PTPRJ: variants seen among roughly 807,000 people sequenced by gnomAD.
PTPRJ encodes the protein receptor-type tyrosine-protein phosphatase eta.
In PTPRJ, 129 loss-of-function variants were observed where a neutral mutation model predicts 141.3. The ratio of observed to expected loss-of-function variants is 0.91; its 90% CI spans 0.79 to 1.06. PTPRJ has a LOEUF of 1.06. Among genes scored for constraint, PTPRJ ranks in the 50% least tolerant of loss-of-function variants. The pLI, the probability that PTPRJ is intolerant of heterozygous loss-of-function variation, is 0.00. For synonymous variants in PTPRJ, 610 were observed against 640.5 expected (o/e 0.95, Z 0.72); for missense variants, 1,601 against 1,679.7 (o/e 0.95, Z 0.82).
intron 8 of PTPRJ, among the ~76,000 whole-genome samples, chr11:48,135,651 T>C (rs960126861): frequency 3.9e-5 from 6 of 152,006 alleles, no homozygotes; most frequent in African/African-American, 1.5e-4. Flanking sequence ...CCAACTAATT[T>C]TTGTATTTTT....
At position 48,168,942 on chromosome 11, in the gene PTPRJ, C is replaced by T. The variant is rs1479996659; in HGVS notation, c.*1580C>T. ...AGGTTTTATGAAGGAATAACCAAGTCCCTGGAGTCCTGTGGCTGTTGCCAC... is the reference window on the plus strand; with the variant it reads ...AGGTTTTATGAAGGAATAACCAAGTTCCTGGAGTCCTGTGGCTGTTGCCAC... On this transcript the variant is annotated 3_prime_UTR_variant, in exon 25 of 25. Transcript: ENST00000418331. The T allele has an allele frequency of 5.3e-5, 8 of 152,042 alleles. No homozygotes were observed. Among genetic ancestry groups the T allele is most frequent in the African/African-American group, 1.9e-4 (8 of 41,396 alleles). The allele number at this position is 152,042 out of a possible 1,614,324, so 9.4% of individuals were successfully genotyped here.
At chr11:48,039,464 G>GGTGTGT (rs67338648) in intron 1 of PTPRJ, among the ~76,000 whole-genome samples, 47 of 146,430 alleles carry the variant, frequency 3.2e-4, no homozygotes, top group African/African-American at 9.2e-4. Flanking sequence ...ACAACACTAT[G>GGTGTGT]GTGTGTGTGT....
intron 1 of PTPRJ, among the ~76,000 whole-genome samples, chr11:48,009,318 G>T (rs1231335036): frequency 6.6e-6 from 1 of 152,140 alleles, no homozygotes; most frequent in African/African-American, 2.4e-5. Context: ...CAAACAGGCT[G>T]GGCGCAGTGG....
intron 1 of PTPRJ, among the ~76,000 whole-genome samples, chr11:47,983,321 A>G (rs1853962017): frequency 6.6e-6 from 1 of 152,208 alleles, no homozygotes; most frequent in Non-Finnish European, 1.5e-5. Flanking sequence ...AAGTTTGTTT[A>G]GGAAACAAGT....
chr11:48,069,520 G>C (rs1477360867), intron 1 of PTPRJ, among the ~76,000 whole-genome samples: 1 of 146,810 alleles, frequency 6.8e-6, no homozygotes, highest in East Asian at 2.0e-4. Context: ...CGCAATCTTG[G>C]CTCACTGCAA....
At position 48,136,882 on chromosome 11, in the gene PTPRJ, C is replaced by G. The variant is rs554606787; in HGVS notation, c.1874-121C>G. 58 of 1,000,964 alleles carry G rather than the reference C, an allele frequency of 5.8e-5. No homozygotes were observed. In the African/African-American group the frequency reaches 8.5e-4, roughly 15 times the overall value. The allele number at this position is 1,000,964 out of a possible 1,614,324, so 62.0% of individuals were successfully genotyped here. A position where few individuals can be genotyped will look rare whatever the true frequency, so the allele number is the denominator to read the frequency against. On this transcript the variant is annotated intron_variant, in intron 9 of 24. Coordinates refer to ENST00000418331, the MANE Select transcript of PTPRJ (RefSeq NM_002843.4). ...GGAAGTTTTCCATCTTTTGAGCCAG[C>G]AAATACTAGTTTTATTCATTCTTTC...
Position 48,168,532 on chromosome 11 carries a change from GTGTATATATATATA to G in PTPRJ, c.*1172_*1185del, listed in dbSNP as rs1438846162. 8.4e-3 allele frequency: 370 copies of G among 43,912 alleles called. 17 individuals carry two copies. Among genetic ancestry groups the G allele is most frequent in the South Asian group, 0.014 (19 of 1,318 alleles). The allele number at this position is 43,912 out of a possible 1,614,324, so 2.7% of individuals were successfully genotyped here. ...GCCGTGACACATATCGGAATCTACTGTGTATATATATATATATATATATATATATATATATATAT... is the reference window on the plus strand; with the variant it reads ...GCCGTGACACATATCGGAATCTACTGTATATATATATATATATATATATAT... On this transcript the variant is annotated 3_prime_UTR_variant, in exon 25 of 25. Coordinates refer to ENST00000418331, the MANE Select transcript of PTPRJ (RefSeq NM_002843.4).
chr11:48,081,496 C>T (rs961206445), intron 1 of PTPRJ, among the ~76,000 whole-genome samples: 6 of 152,092 alleles, frequency 3.9e-5, no homozygotes, highest in Admixed American at 2.0e-4. Flanking sequence ...TTTGGGTGGC[C>T]GCCGAGGACC....
At chr11:48,010,835 CTAT>C (rs377559025) in intron 1 of PTPRJ, among the ~76,000 whole-genome samples, 14 of 151,424 alleles carry the variant, frequency 9.2e-5, no homozygotes, top group South Asian at 4.2e-4. Context: ...CATGCCTGGC[CTAT>C]TATTATTATT....
chr11:48,136,013 C>T (rs754420477), intron 8 of PTPRJ, 26 bp from the exon 9 acceptor site: 2 of 1,602,946 alleles, frequency 1.2e-6, no homozygotes, highest in African/African-American at 1.3e-5. Flanking sequence ...AACAGTTTTC[C>T]CTTCTCCTTC....
chr11:48,008,844 C>T (rs558666095), intron 1 of PTPRJ, among the ~76,000 whole-genome samples: 38 of 152,240 alleles, frequency 2.5e-4, no homozygotes, highest in Admixed American at 1.6e-3. Context: ...GGATTACAGT[C>T]GTGAGCCACC....
intron 1 of PTPRJ, among the ~76,000 whole-genome samples, chr11:48,058,756 A>G (rs1854830098): frequency 6.6e-6 from 1 of 152,082 alleles, no homozygotes; most frequent in African/African-American, 2.4e-5. Flanking sequence ...ATCTTTTTTA[A>G]AAACTGAAGT....
chr11:48,149,385 CA>C, intron 15 of PTPRJ, 61 bp from the exon 16 acceptor site: 1 of 1,141,470 alleles, frequency 8.8e-7, no homozygotes, highest in Non-Finnish European at 1.3e-6. Context: ...TCCAGATACA[CA>C]AGGGAAAAGC....
intron 11 of PTPRJ, 65 bp from the exon 12 acceptor site, chr11:48,142,854 T>C (rs1444510628): frequency 4.6e-6 from 7 of 1,530,064 alleles, no homozygotes; most frequent in Non-Finnish European, 6.2e-6. Context: ...AAGCATGTTC[T>C]CTACCTAATG....
intron 19 of PTPRJ, 57 bp from the exon 20 acceptor site, chr11:48,155,744 C>T: frequency 7.1e-7 from 1 of 1,411,472 alleles, no homozygotes; most frequent in Non-Finnish European, 9.8e-7. Flanking sequence ...TGTTTTGTGT[C>T]CAACTTTACT....
At chr11:48,102,824 C>A (rs2134315090) in intron 1 of PTPRJ, among the ~76,000 whole-genome samples, 1 of 152,142 alleles carries the variant, frequency 6.6e-6, no homozygotes, top group East Asian at 1.9e-4. Flanking sequence ...TTAGGACCCC[C>A]AGATTTATCA....
chr11:48,031,722 T>G (rs919677190), intron 1 of PTPRJ, among the ~76,000 whole-genome samples: 18 of 152,198 alleles, frequency 1.2e-4, no homozygotes, highest in African/African-American at 4.3e-4. Context: ...TAGTCTTTCT[T>G]GTGGTCTCCT....
chr11:48,043,023 T>A (rs543617927), intron 1 of PTPRJ, among the ~76,000 whole-genome samples: 1 of 152,268 alleles, frequency 6.6e-6, no homozygotes, highest in Non-Finnish European at 1.5e-5. Flanking sequence ...AAGTATAGAA[T>A]TGTAGCTGGT....
In PTPRJ at chr11:48,125,076, C is replaced by G. The variant is rs959061975; in HGVS notation, c.983C>G (p.Thr328Arg). The change falls in exon 6 of 25, where the codon ACG becomes AGG. Residue 328 changes from threonine (T) to arginine (R), a missense_variant. Transcript: ENST00000418331. Reference protein sequence around the residue: ...DPSSGQQSRDTEVLLVGLEPG... With the variant: ...DPSSGQQSRDREVLLVGLEPG... ...TCCTCCGGCCAGCAGTCCCGAGACACGGAAGTCCTGCTTGTCGGGTTAGAG... is the reference window on the plus strand; with the variant it reads ...TCCTCCGGCCAGCAGTCCCGAGACAGGGAAGTCCTGCTTGTCGGGTTAGAG... 6.2e-7 allele frequency: 1 copy of G among 1,614,102 alleles called. No individual in the cohort carries two copies. The highest frequency in any genetic ancestry group is 8.5e-7 in the Non-Finnish European group (1 of 1,180,018).
Sources: allele counts gnomAD v4.1 joint callset (sites outside exome capture counted in the v4.1 genomes callset), GRCh38; gene constraint gnomAD v4.1.1; transcripts MANE v1.5; gene names NCBI Gene and HGNC (gene_info 2026-07-23, HGNC 2026-07-21).